The following SGCD variants were observed in gnomAD, a reference collection of about 807,000 sequenced individuals.
SGCD encodes delta-sarcoglycan.
Under a neutral mutation model 36.6 loss-of-function variants are expected in SGCD, and 18 were observed. The ratio of observed to expected loss-of-function variants is 0.49; its 90% CI spans 0.34 to 0.73. SGCD has a LOEUF of 0.73. Among genes scored for constraint, SGCD ranks in the 30% least tolerant of loss-of-function variants. SGCD has a pLI of 0.01. For missense variants in SGCD, 387 were observed against 346.7 expected (o/e 1.12, Z -0.92); for synonymous variants, 133 against 130.6 (o/e 1.02, Z -0.12).
chr5:155,900,395 C>T (rs1756360989), intron 1 of SGCD, among the ~76,000 whole-genome samples: 1 of 152,024 alleles, frequency 6.6e-6, no homozygotes, highest in Non-Finnish European at 1.5e-5. Context: ...ACCCTACACA[C>T]AGTTTTTATC....
chr5:155,768,426 G>A, the SGCD span, among the ~76,000 whole-genome samples: 2 of 152,030 alleles, frequency 1.3e-5, no homozygotes, highest in African/African-American at 4.8e-5. Flanking sequence ...ATACAATAAA[G>A]GAAAAGGAGC....
the SGCD span, among the ~76,000 whole-genome samples, chr5:155,757,501 G>A: frequency 1.3e-5 from 2 of 152,170 alleles, no homozygotes; most frequent in Non-Finnish European, 2.9e-5. Flanking sequence ...GAGAACTCAA[G>A]TGCCTTGTTT....
At chr5:156,654,481 T>C (rs895275919) in intron 7 of SGCD, among the ~76,000 whole-genome samples, 1 of 152,124 alleles carries the variant, frequency 6.6e-6, no homozygotes, top group Non-Finnish European at 1.5e-5. Flanking sequence ...AAGGAACCAA[T>C]GGTAATTGTT....
chr5:155,847,568 G>A, the SGCD span, among the ~76,000 whole-genome samples: 1 of 152,108 alleles, frequency 6.6e-6, no homozygotes, highest in Non-Finnish European at 1.5e-5. Context: ...ATAATGGCGG[G>A]GCATTCTGAG....
the SGCD span, among the ~76,000 whole-genome samples, chr5:155,763,800 C>T: frequency 0.01 from 1,516 of 149,040 alleles, 24 homozygotes; most frequent in African/African-American, 0.036. Flanking sequence ...AGCAATGACC[C>T]CCCACCAAAA....
At chr5:156,455,778 T>G (rs1337792708) in intron 3 of SGCD, among the ~76,000 whole-genome samples, 1 of 152,192 alleles carries the variant, frequency 6.6e-6, no homozygotes. Context: ...TTTTTGGAAA[T>G]AGAATCTTTG....
At chr5:156,415,726 C>T (rs187400093) in intron 3 of SGCD, among the ~76,000 whole-genome samples, 33 of 152,258 alleles carry the variant, frequency 2.2e-4, no homozygotes, top group African/African-American at 7.2e-4. Flanking sequence ...CTGTCCTCTG[C>T]TTGATTCCAG....
intron 3 of SGCD, among the ~76,000 whole-genome samples, chr5:156,297,030 A>ATATAT (rs1554090858): frequency 3.9e-4 from 55 of 140,288 alleles, no homozygotes; most frequent in Middle Eastern, 3.7e-3. Flanking sequence ...ATAGCATATA[A>ATATAT]ATATATATAT....
chr5:156,337,250 T>C (rs1038684676), intron 2 of SGCD, among the ~76,000 whole-genome samples: 1 of 152,228 alleles, frequency 6.6e-6, no homozygotes, highest in African/African-American at 2.4e-5. Flanking sequence ...GCCTCCTATT[T>C]ATATAAACTG....
chr5:156,023,137 AATG>A (rs1759145606), intron 1 of SGCD, among the ~76,000 whole-genome samples: 1 of 152,242 alleles, frequency 6.6e-6, no homozygotes, highest in Admixed American at 6.5e-5. Flanking sequence ...TTGAAATATG[AATG>A]ATGACATCCC....
At chr5:155,970,509 A>G (rs150363617) in intron 1 of SGCD, among the ~76,000 whole-genome samples, 50 of 152,316 alleles carry the variant, frequency 3.3e-4, no homozygotes, top group Non-Finnish European at 6.6e-4. Context: ...TACTTCAGTG[A>G]AGAGTCCCAG....
intron 1 of SGCD, among the ~76,000 whole-genome samples, chr5:155,981,253 T>C (rs1044693588): frequency 1.3e-5 from 2 of 152,062 alleles, no homozygotes; most frequent in Admixed American, 6.6e-5. Flanking sequence ...CTGGAGGACA[T>C]TCAGAGCTGC....
intron 1 of SGCD, among the ~76,000 whole-genome samples, chr5:155,888,385 A>G (rs916819082): frequency 6.6e-5 from 10 of 152,332 alleles, no homozygotes; most frequent in African/African-American, 2.4e-4. Context: ...GAGGAGAAAT[A>G]TCTTTTATTC....
At chr5:156,596,922 C>G (rs567657040) in intron 6 of SGCD, among the ~76,000 whole-genome samples, 60 of 152,144 alleles carry the variant, frequency 3.9e-4, no homozygotes, top group Non-Finnish European at 7.6e-4. Context: ...CTCTTACTGT[C>G]CCCATTATAC....
the SGCD span, among the ~76,000 whole-genome samples, chr5:155,851,899 T>C: frequency 6.6e-6 from 1 of 152,202 alleles, no homozygotes; most frequent in Non-Finnish European, 1.5e-5. Context: ...TCATCAGTAT[T>C]GGATATACTC....
intron 7 of SGCD, among the ~76,000 whole-genome samples, chr5:156,703,382 CTT>C (rs533137929): frequency 7.3e-6 from 1 of 137,384 alleles, no homozygotes. Flanking sequence ...TTATTTATTT[CTT>C]TTTTTTTTTT....
chr5:156,015,027 A>G (rs1406889975), intron 1 of SGCD, among the ~76,000 whole-genome samples: 2 of 152,120 alleles, frequency 1.3e-5, no homozygotes, highest in East Asian at 1.9e-4. Context: ...GGGCTTGGCC[A>G]TTTTTCTCCA....
At chr5:155,883,521 A>G (rs1455097361) in intron 1 of SGCD, among the ~76,000 whole-genome samples, 1 of 149,256 alleles carries the variant, frequency 6.7e-6, no homozygotes, top group Non-Finnish European at 1.5e-5. Context: ...GGAGTCCCCA[A>G]GAGAGAGATG....
Position 156,385,252 on chromosome 5 carries a change from G to C in SGCD, c.192+40575G>C, listed in dbSNP as rs566098521. Among the ~76,000 whole-genome samples the C allele has an allele frequency of 7.9e-4, 120 of 152,254 alleles. 3 individuals are homozygous for C. In the South Asian group the frequency reaches 0.024, roughly 31 times the overall value. On this transcript the variant is annotated intron_variant, in intron 3 of 8. Transcript: ENST00000337851. ...TCATTTTCTCTTTCTGTAAAATGAG[G>C]GTAACTGGGCCACCCCCTAAATTTA...
Sources: allele counts gnomAD v4.1 joint callset (sites outside exome capture counted in the v4.1 genomes callset), GRCh38; gene constraint gnomAD v4.1.1; transcripts MANE v1.5; gene names NCBI Gene and HGNC (gene_info 2026-07-23, HGNC 2026-07-21).